Variants in TES observed in about 807,000 individuals in gnomAD.
The protein encoded by TES is testin LIM domain protein.
In TES, 41 loss-of-function variants were observed where a neutral mutation model predicts 48.2. That is an observed-to-expected ratio of 0.85 (90% CI 0.66 to 1.10). TES has a LOEUF of 1.10. Ranked by LOEUF, TES falls within the 50% of genes least tolerant of loss-of-function variation. The pLI, the probability that TES is intolerant of heterozygous loss-of-function variation, is 0.00. For synonymous variants in TES, 162 were observed against 174.9 expected (o/e 0.93, Z 0.58); for missense variants, 463 against 515.1 (o/e 0.90, Z 0.98).
rs375850600 is a variant in TES at position 116,258,695 on chromosome 7, G to T, written c.*1213G>T. On this transcript the variant is annotated 3_prime_UTR_variant, in exon 7 of 7. Coordinates refer to ENST00000358204, the MANE Select transcript of TES (RefSeq NM_015641.4). The stretch of plus-strand genomic sequence containing the variant: ...GTATTTCTAATGTTTATTCTTCCCT[G>T]TGTACTTCTACACATAGCTATGCAC... 10 of 152,520 alleles carry T rather than the reference G, an allele frequency of 6.6e-5. No homozygotes were observed. Among genetic ancestry groups the T allele is most frequent in the African/African-American group, 2.4e-4 (10 of 41,478 alleles). The allele number at this position is 152,520 out of a possible 1,614,324, so 9.4% of individuals were successfully genotyped here. A position where few individuals can be genotyped will look rare whatever the true frequency, so the allele number is the denominator to read the frequency against.
At position 116,235,846 on chromosome 7, in the gene TES, CAAAT is replaced by C. The variant is rs893051190; in HGVS notation, c.113+1231_113+1234del. Among the ~76,000 whole-genome samples the C allele has an allele frequency of 2.4e-4, 36 of 152,200 alleles. 1 individual carries two copies. Among genetic ancestry groups the C allele is most frequent in the Admixed American group, 6.5e-4 (10 of 15,296 alleles). The stretch of plus-strand genomic sequence containing the variant: ...AGTGTAAATTAAAGGAGAATATAAA[CAAAT>C]AAAATTTTAGACATTAATCTCTTTT... On this transcript the variant is annotated intron_variant, in intron 2 of 6. Transcript: ENST00000358204.
At chr7:116,216,359 G>A (rs1165354687) in intron 1 of TES, among the ~76,000 whole-genome samples, 1 of 151,992 alleles carries the variant, frequency 6.6e-6, no homozygotes, top group South Asian at 2.1e-4. Context: ...CCATTTATCA[G>A]TATAATATAT....
At position 116,242,978 on chromosome 7, in the gene TES, T is replaced by C. The variant is rs369358918; in HGVS notation, c.114-6042T>C. ...GTATGATCTATGCTGAGTGTCTGGG[T>C]TTGTTCCCCCCATGCCTCATCCTCT... On this transcript the variant is annotated intron_variant, in intron 2 of 6. Coordinates refer to ENST00000358204, the MANE Select transcript of TES (RefSeq NM_015641.4). 3.9e-5 allele frequency among the ~76,000 whole-genome samples: 6 copies of C among 152,136 alleles called. No individual in the cohort carries two copies. In the East Asian group the frequency reaches 9.6e-4, roughly 24 times the overall value.
intron 2 of TES, among the ~76,000 whole-genome samples, chr7:116,242,545 G>C (rs58495099): frequency 0.19 from 19,765 of 103,350 alleles, 1,281 homozygotes; most frequent in East Asian, 0.33. Context: ...CTCTGTCTCT[G>C]TCTCGGAATA....
intron 2 of TES, among the ~76,000 whole-genome samples, chr7:116,236,518 A>T (rs1318516591): frequency 2.0e-5 from 3 of 152,200 alleles, no homozygotes; most frequent in Non-Finnish European, 2.9e-5. Flanking sequence ...GTTTATGCAG[A>T]TATTCCAAAA....
Position 116,257,591 on chromosome 7 carries a change from A to C in TES, c.*109A>C. On this transcript the variant is annotated 3_prime_UTR_variant, in exon 7 of 7. Transcript: ENST00000358204. ...AACGCAAAAAAAGAAACTGTAAAGG[A>C]AACCAAGAGATTTTGTTTAATTTTT... 1 of 1,043,724 alleles carries C rather than the reference A, an allele frequency of 9.6e-7. No individual in the cohort carries two copies. The allele number at this position is 1,043,724 out of a possible 1,614,324, so 64.7% of individuals were successfully genotyped here.
chr7:116,240,593 A>G (rs1245397660), intron 2 of TES, among the ~76,000 whole-genome samples: 1 of 152,016 alleles, frequency 6.6e-6, no homozygotes, highest in African/African-American at 2.4e-5. Flanking sequence ...CTCCATCCCC[A>G]CACCTTAGAG....
intron 3 of TES, 125 bp from the exon 4 acceptor site, chr7:116,250,036 G>A (rs1799979845): frequency 1.6e-6 from 1 of 642,150 alleles, no homozygotes; most frequent in East Asian, 3.2e-5. Context: ...TATACTGTGA[G>A]GGTGAGTTGC....
intron 2 of TES, among the ~76,000 whole-genome samples, chr7:116,243,298 ACT>A (rs1799873268): frequency 6.6e-6 from 1 of 151,764 alleles, no homozygotes; most frequent in Middle Eastern, 3.4e-3. Flanking sequence ...TCAGATCGCC[ACT>A]CTTATTGTTA....
At chr7:116,243,221 T>G (rs1258883035) in intron 2 of TES, among the ~76,000 whole-genome samples, 1 of 152,216 alleles carries the variant, frequency 6.6e-6, no homozygotes, top group Non-Finnish European at 1.5e-5. Context: ...CCTAATTGTA[T>G]CTAATGTTAA....
chr7:116,238,838 A>G (rs1799808251), intron 2 of TES, among the ~76,000 whole-genome samples: 2 of 151,994 alleles, frequency 1.3e-5, no homozygotes, highest in Admixed American at 6.6e-5. Context: ...TGACCTCAGC[A>G]GATCCACCAG....
chr7:116,213,085 A>T (rs1799457592), intron 1 of TES, among the ~76,000 whole-genome samples: 1 of 152,232 alleles, frequency 6.6e-6, no homozygotes, highest in Non-Finnish European at 1.5e-5. Flanking sequence ...CAAAATTTGG[A>T]AATCTCAGGA....
At chr7:116,229,537 G>C (rs910569452) in intron 1 of TES, among the ~76,000 whole-genome samples, 15 of 152,124 alleles carry the variant, frequency 9.9e-5, no homozygotes, top group Non-Finnish European at 1.9e-4. Flanking sequence ...AGGAGTTGAG[G>C]AACCTCAGTT....
chr7:116,254,758 ATGTGTGTGTGTGTG>A (rs202115399), intron 6 of TES, among the ~76,000 whole-genome samples: 13 of 116,756 alleles, frequency 1.1e-4, no homozygotes, highest in East Asian at 3.5e-4. Flanking sequence ...ATATATATAT[ATGTGTGTGTGTGTG>A]TGTGTGTGTG....
At chr7:116,247,934 C>T (rs1175156407) in intron 2 of TES, among the ~76,000 whole-genome samples, 1 of 152,070 alleles carries the variant, frequency 6.6e-6, no homozygotes, top group Admixed American at 6.6e-5. Context: ...ACCATAGTAC[C>T]TGAGAGTTAG....
intron 2 of TES, among the ~76,000 whole-genome samples, chr7:116,243,527 C>A (rs1316652197): frequency 1.3e-5 from 2 of 152,040 alleles, no homozygotes; most frequent in African/African-American, 2.4e-5. Flanking sequence ...TTTATATTTC[C>A]TACCAGGCTA....
chr7:116,240,787 CTG>C lies in TES; in HGVS notation c.113+6172_113+6173del, dbSNP rs1799836408. Among the ~76,000 whole-genome samples the C allele has an allele frequency of 2.6e-5, 4 of 152,222 alleles. 1 individual carries two copies. The South Asian group carries it at 6.2e-4, about 24-fold the overall frequency. ...TTTAGAAAATTTAGAGGTTTGAAAA[CTG>C]TGTTAAATATGGGAACTGATTTATA... On this transcript the variant is annotated intron_variant, in intron 2 of 6. Transcript: ENST00000358204.
intron 1 of TES, among the ~76,000 whole-genome samples, chr7:116,213,859 G>A (rs2116568038): frequency 6.6e-6 from 1 of 152,150 alleles, no homozygotes; most frequent in South Asian, 2.1e-4. Context: ...TGTCTGCTTG[G>A]GAAAAACAGT....
At chr7:116,216,580 C>G (rs550414591) in intron 1 of TES, among the ~76,000 whole-genome samples, 4 of 152,112 alleles carry the variant, frequency 2.6e-5, no homozygotes, top group Admixed American at 2.6e-4. Flanking sequence ...TAAAATCACA[C>G]AAATGAAGAA....
Sources: gnomAD v4.1 joint callset for allele counts (sites outside exome capture counted in the v4.1 genomes callset) on GRCh38, gnomAD v4.1.1 for gene constraint, MANE v1.5 for transcripts, NCBI Gene and HGNC (gene_info 2026-07-23, HGNC 2026-07-21) for gene names.